The following PKD1L1 variants were observed in gnomAD, a reference collection of about 807,000 sequenced individuals.
The protein encoded by PKD1L1 is polycystin 1 like 1, transient receptor potential channel interacting, also known as polycystin-1-like protein 1.
Under a neutral mutation model 323.4 loss-of-function variants are expected in PKD1L1, and 236 were observed. The ratio of observed to expected loss-of-function variants is 0.73; its 90% CI spans 0.66 to 0.81. PKD1L1 has a LOEUF of 0.81. Among genes scored for constraint, PKD1L1 ranks in the 40% least tolerant of loss-of-function variants. The probability of loss-of-function intolerance (pLI) is 0.00; values close to 1 mark genes in which losing one functional copy is unlikely to be tolerated. For synonymous variants in PKD1L1, 1,344 were observed against 1,335.0 expected (o/e 1.01, Z -0.15); for missense variants, 3,320 against 3,508.0 (o/e 0.95, Z 1.35).
chr7:47,792,701 T>C lies in PKD1L1; in HGVS notation c.8452A>G (p.Thr2818Ala), dbSNP rs2128723684. ...CTTGCCTCCCCTGTGTTGTTGGATG[T>C]TTTTTCCAGAAGGGGGAGTTGTAGG... ...DSLQLPLLEK[T>A]SNNTGEARTE... is the part of the protein sequence containing the mutation. The change falls in exon 56 of 57, where the codon ACA (threonine) becomes GCA (alanine). Residue 2818 changes from threonine (T) to alanine (A), a missense_variant. Physicochemically the swap from Thr to Ala is moderately conservative, Grantham distance 58. Transcript: ENST00000289672. 1.2e-6 allele frequency: 2 copies of C among 1,613,992 alleles called. No individual in the cohort carries two copies. The highest frequency in any genetic ancestry group is 2.2e-5 in the East Asian group (1 of 44,874).
chr7:47,902,040 A>G (rs1045123046), intron 13 of PKD1L1, among the ~76,000 whole-genome samples: 10 of 148,760 alleles, frequency 6.7e-5, no homozygotes, highest in Non-Finnish European at 1.5e-4. Flanking sequence ...AAAGGAAAAG[A>G]AAAGAAAAGA....
chr7:47,897,307 T>C (rs898628564), intron 14 of PKD1L1, among the ~76,000 whole-genome samples: 1 of 152,180 alleles, frequency 6.6e-6, no homozygotes, highest in African/African-American at 2.4e-5. Flanking sequence ...CTGCAGATAT[T>C]CTGAGGGTCC....
intron 56 of PKD1L1, among the ~76,000 whole-genome samples, chr7:47,778,345 C>G (rs1786616285): frequency 6.6e-6 from 1 of 152,116 alleles, no homozygotes; most frequent in African/African-American, 2.4e-5. Context: ...CAAAGACCTT[C>G]CATTTGGTGG....
At chr7:47,897,853 ATT>A (rs35976264) in intron 14 of PKD1L1, 133 bp downstream of exon 14, 7,299 of 543,584 alleles carry the variant, frequency 0.013, no homozygotes, top group East Asian at 0.027. Flanking sequence ...TCCAATGCAG[ATT>A]TTTTTTTTTT....
chr7:47,880,847 T>A, intron 20 of PKD1L1, 42 bp from the exon 21 acceptor site: 1 of 1,534,410 alleles, frequency 6.5e-7, no homozygotes, highest in Non-Finnish European at 8.9e-7. Flanking sequence ...CAGTCAGTGG[T>A]CTCAAGGACA....
intron 26 of PKD1L1, among the ~76,000 whole-genome samples, chr7:47,863,705 T>C (rs1408511081): frequency 6.6e-6 from 1 of 151,964 alleles, no homozygotes; most frequent in African/African-American, 2.4e-5. Flanking sequence ...TGGATGGAGA[T>C]GGAAGCCAAA....
chr7:47,813,886 T>C, intron 48 of PKD1L1, 45 bp downstream of exon 48: 1 of 1,536,350 alleles, frequency 6.5e-7, no homozygotes, highest in Non-Finnish European at 9.0e-7. Context: ...TAGACTTCTC[T>C]AATTCCATTT....
At chr7:47,792,529 A>G in intron 56 of PKD1L1, 98 bp downstream of exon 56, 1 of 1,216,362 alleles carries the variant, frequency 8.2e-7, no homozygotes, top group Non-Finnish European at 1.2e-6. Context: ...ATTTATGCAA[A>G]TGGACCTTAT....
intron 55 of PKD1L1, 146 bp downstream of exon 55, chr7:47,795,843 T>C (rs1161575543): frequency 8.5e-6 from 8 of 940,438 alleles, no homozygotes; most frequent in Non-Finnish European, 1.1e-5. Flanking sequence ...AGTTCCACTA[T>C]GATTGAGACT....
rs1387509477 is a variant in PKD1L1, at chr7:47,839,871, C to T, written c.5553-209G>A. Among the ~76,000 whole-genome samples, 1 of 152,242 alleles carries T rather than the reference C, an allele frequency of 6.6e-6. No homozygotes were observed. Among genetic ancestry groups the T allele is most frequent in the Non-Finnish European group, 1.5e-5 (1 of 68,048 alleles). On this transcript the variant is annotated intron_variant, in intron 35 of 56. Transcript: ENST00000289672. This position sits in a 1 kb window ranked among gnomAD's most constrained non-coding sequence, Gnocchi z 4.3. ...TCCCACCGAGCACAGTGACCCTGCA[C>T]TCAGGCCTTCAATATCCACCAGCTT...
In PKD1L1 at chr7:47,905,949, T is replaced by C; in HGVS notation, c.1416A>G (p.Ile472Met). ...SQVNQKSTVV[I>M]HHFPSIPSYN... is the part of the protein sequence containing the mutation. Reference sequence around the variant, plus strand: ...ATGAAGGAATAGATGGAAAGTGATGTATAACCACAGTGCCTAAAATGAGAA... The same window carrying C: ...ATGAAGGAATAGATGGAAAGTGATGCATAACCACAGTGCCTAAAATGAGAA... The change falls in exon 10 of 57, where the codon ATA (isoleucine) becomes ATG (methionine). Residue 472 changes from isoleucine (I) to methionine (M), a missense_variant. Transcript: ENST00000289672. 2 of 1,602,388 alleles carry C rather than the reference T, an allele frequency of 1.2e-6. No individual in the cohort carries two copies. Among genetic ancestry groups the C allele is most frequent in the South Asian group, 1.1e-5 (1 of 88,616 alleles).
At chr7:47,942,552 T>G (rs1395006874) in intron 2 of PKD1L1, among the ~76,000 whole-genome samples, 1 of 152,166 alleles carries the variant, frequency 6.6e-6, no homozygotes, top group African/African-American at 2.4e-5. Flanking sequence ...TAGCCTAAGT[T>G]GAAAACTCAA....
chr7:47,842,167 T>G (rs1258491196), intron 34 of PKD1L1, among the ~76,000 whole-genome samples: 3 of 152,208 alleles, frequency 2.0e-5, no homozygotes, highest in Non-Finnish European at 1.5e-5. Flanking sequence ...GCATTGCTTG[T>G]GAATATATAC....
intron 7 of PKD1L1, among the ~76,000 whole-genome samples, chr7:47,926,626 T>C (rs1053150966): frequency 2.6e-5 from 4 of 152,266 alleles, no homozygotes; most frequent in Middle Eastern, 6.8e-3. Flanking sequence ...CAATAAGATA[T>C]TTTTATACTA....
Position 47,904,742 on chromosome 7 carries a change from T to C in PKD1L1, c.1692-125A>G, listed in dbSNP as rs903424704. The C allele has an allele frequency of 8.4e-6, 10 of 1,195,682 alleles. No individual in the cohort carries two copies. In the African/African-American group the frequency reaches 9.3e-5, roughly 11 times the overall value. 74.1% of individuals were successfully genotyped at this position (1,195,682 alleles called of 1,614,324 possible). On this transcript the variant is annotated intron_variant, in intron 11 of 56. Transcript: ENST00000289672. ...GGAGGGGGAGGCAGCATTTAATTTG[T>C]AAGAACTACAAAAGTATCTAGTGAT...
chr7:47,821,124 G>A lies in PKD1L1; in HGVS notation c.6917C>T (p.Ser2306Phe). 6.2e-7 allele frequency: 1 copy of A among 1,610,414 alleles called. No individual in the cohort carries two copies. The highest frequency in any genetic ancestry group is 8.5e-7 in the Non-Finnish European group (1 of 1,176,692). The change falls in exon 46 of 57, where the codon TCC becomes TTC. Residue 2306 changes from serine to phenylalanine, a missense_variant. Ser to Phe is a radical substitution (Grantham distance 155). Coordinates refer to ENST00000289672, the MANE Select transcript of PKD1L1 (RefSeq NM_138295.5). Reference sequence around the variant, plus strand: ...TTGATTGAGGGAGTATTCATCTTGGGAAAATCTCCCATATATTACACACAA... The same window carrying A: ...TTGATTGAGGGAGTATTCATCTTGGAAAAATCTCCCATATATTACACACAA... ...LLLCVIYGRF[S>F]QDEYSLNQAI...
intron 54 of PKD1L1, among the ~76,000 whole-genome samples, chr7:47,799,894 C>T (rs543655484): frequency 8.3e-4 from 126 of 152,186 alleles, no homozygotes; most frequent in Admixed American, 1.8e-3. Context: ...CTGGGCAGAG[C>T]AGGTCGGAGC....
intron 26 of PKD1L1, among the ~76,000 whole-genome samples, chr7:47,860,822 T>C (rs559467835): frequency 1.4e-4 from 21 of 151,770 alleles, no homozygotes; most frequent in Non-Finnish European, 2.9e-4. Flanking sequence ...AGAGGGACAA[T>C]GGCAGGAATG....
At chr7:47,891,663 C>G (rs1277835557) in intron 15 of PKD1L1, among the ~76,000 whole-genome samples, 2 of 152,244 alleles carry the variant, frequency 1.3e-5, no homozygotes, top group Admixed American at 6.5e-5. Flanking sequence ...AGCACTGCCT[C>G]CAGCTCACAG....
Sources: allele counts gnomAD v4.1 joint callset (sites outside exome capture counted in the v4.1 genomes callset), GRCh38; gene constraint gnomAD v4.1.1; non-coding constraint Gnocchi (gnomAD v3.1); transcripts MANE v1.5; gene names NCBI Gene and HGNC (gene_info 2026-07-23, HGNC 2026-07-21).